LDLRAD3: variants seen among roughly 807,000 people sequenced by gnomAD.
LDLRAD3 encodes the protein low-density lipoprotein receptor class A domain-containing protein 3.
LDLRAD3 carries 20 observed loss-of-function variants against 29.4 expected under a neutral mutation model. That is an observed-to-expected ratio of 0.68 (90% CI 0.48 to 0.99). The LOEUF is 0.99. Ranked by LOEUF, LDLRAD3 falls within the 50% of genes least tolerant of loss-of-function variation. The pLI is 0.00. For synonymous variants in LDLRAD3, 157 were observed against 192.7 expected, an observed-to-expected ratio of 0.81 and a Z score of 1.53; for missense variants, 420 against 454.3, an observed-to-expected ratio of 0.92 and a Z score of 0.69.
rs943151138 is a variant in LDLRAD3 at position 35,999,759 on chromosome 11, G to GC, written c.47-36339dup. On this transcript the variant is annotated intron_variant, in intron 1 of 5. Transcript: ENST00000315571. ...CTGGAAATCTCCTGTTGGATCAAAGGCCCCCTGTGGTGCTGTCAGCCATGG... is the reference window on the plus strand; with the variant it reads ...CTGGAAATCTCCTGTTGGATCAAAGGCCCCCCTGTGGTGCTGTCAGCCATGG... 5.3e-5 allele frequency among the ~76,000 whole-genome samples: 8 copies of GC among 152,158 alleles called. 1 individual carries two copies. Among genetic ancestry groups the GC allele is most frequent in the Admixed American group, 4.6e-4 (7 of 15,284 alleles).
chr11:35,954,141 A>G lies in LDLRAD3; in HGVS notation c.46+9997A>G, dbSNP rs146460152. Among the ~76,000 whole-genome samples, 787 of 152,324 alleles carry G rather than the reference A, an allele frequency of 5.2e-3. 15 individuals carry two copies. Among genetic ancestry groups the G allele is most frequent in the East Asian group, 0.024 (125 of 5,192 alleles). ...CAGAGTTCATTTGTGTTATTCAAGTAAATGATAATGATGACAATACAAGAA... is the reference window on the plus strand; with the variant it reads ...CAGAGTTCATTTGTGTTATTCAAGTGAATGATAATGATGACAATACAAGAA... On this transcript the variant is annotated intron_variant, in intron 1 of 5. Coordinates refer to ENST00000315571, the MANE Select transcript of LDLRAD3 (RefSeq NM_174902.4).
At chr11:36,151,751 C>T (rs56173437) in intron 4 of LDLRAD3, among the ~76,000 whole-genome samples, 130 of 152,272 alleles carry the variant, frequency 8.5e-4, no homozygotes, top group South Asian at 2.3e-3. Flanking sequence ...GAGACCCTGG[C>T]GCTAGCATGA....
At chr11:36,078,157 A>G (rs1265810260) in intron 2 of LDLRAD3, among the ~76,000 whole-genome samples, 4 of 152,226 alleles carry the variant, frequency 2.6e-5, no homozygotes, top group East Asian at 3.9e-4. Context: ...GAGGAAGTGC[A>G]TGCTGATTAA....
chr11:36,204,982 G>A (rs1395704652), intron 4 of LDLRAD3, among the ~76,000 whole-genome samples: 2 of 151,996 alleles, frequency 1.3e-5, no homozygotes, highest in African/African-American at 4.8e-5. Context: ...TCTTGCCCCC[G>A]CCCTAATGCA....
intron 4 of LDLRAD3, among the ~76,000 whole-genome samples, chr11:36,138,053 G>T (rs903266660): frequency 6.6e-6 from 1 of 152,174 alleles, no homozygotes; most frequent in African/African-American, 2.4e-5. Context: ...TGCATTTGAG[G>T]TGCATCACCC....
intron 4 of LDLRAD3, among the ~76,000 whole-genome samples, chr11:36,143,898 G>A (rs1170067473): frequency 6.8e-6 from 1 of 146,352 alleles, no homozygotes; most frequent in Non-Finnish European, 1.5e-5. Flanking sequence ...TAAAGTGTTG[G>A]AGGCTCCCTC....
At chr11:36,189,583 T>TTA (rs1554972348) in intron 4 of LDLRAD3, among the ~76,000 whole-genome samples, 1 of 152,036 alleles carries the variant, frequency 6.6e-6, no homozygotes, top group Non-Finnish European at 1.5e-5. Flanking sequence ...TTACTTTTTT[T>TTA]TTATTATTAT....
In LDLRAD3 at chr11:36,145,334, AGTG is replaced by A. The variant is rs1323213636; in HGVS notation, c.454+46874_454+46876del. On this transcript the variant is annotated intron_variant, in intron 4 of 5. Transcript: ENST00000315571. Reference sequence around the variant, plus strand: ...CTCTGCCCGGCCACCCCTACTGGGAAGTGAGGAGCCCCTCTGCCCGGCCAGCCG... The same window carrying A: ...CTCTGCCCGGCCACCCCTACTGGGAAAGGAGCCCCTCTGCCCGGCCAGCCG... Among the ~76,000 whole-genome samples, 458 of 90,810 alleles carry A rather than the reference AGTG, an allele frequency of 5.0e-3. 20 individuals are homozygous for A. The highest frequency in any genetic ancestry group is 0.023 in the African/African-American group (438 of 19,252). The allele number at this position is 90,810 out of a possible 152,430, so 59.6% of individuals were successfully genotyped here.
intron 4 of LDLRAD3, among the ~76,000 whole-genome samples, chr11:36,162,051 A>G (rs924305997): frequency 6.9e-6 from 1 of 145,550 alleles, no homozygotes; most frequent in Non-Finnish European, 1.5e-5. Flanking sequence ...CATTCCGTTA[A>G]CGGTTTTATA....
intron 4 of LDLRAD3, among the ~76,000 whole-genome samples, chr11:36,099,798 T>G (rs11033423): frequency 0.014 from 2,059 of 152,312 alleles, 24 homozygotes; most frequent in Non-Finnish European, 0.023. Context: ...TCTAAATCTA[T>G]ATGCCTGAGG....
In LDLRAD3 at chr11:36,199,924, T is replaced by C. The variant is rs558608467; in HGVS notation, c.455-27161T>C. On this transcript the variant is annotated intron_variant, in intron 4 of 5. Coordinates refer to ENST00000315571, the MANE Select transcript of LDLRAD3 (RefSeq NM_174902.4). The stretch of plus-strand genomic sequence containing the variant: ...GCTCATGCCTGTAATCTCAGCACTT[T>C]AGGAGGCTGAGGTGGGCAGATCTCT... Among the ~76,000 whole-genome samples the C allele has an allele frequency of 1.3e-4, 20 of 152,204 alleles. No individual in the cohort carries two copies. The South Asian group carries it at 3.7e-3, about 28-fold the overall frequency.
intron 1 of LDLRAD3, among the ~76,000 whole-genome samples, chr11:36,000,782 C>G: frequency 6.6e-6 from 1 of 151,866 alleles, no homozygotes; most frequent in Middle Eastern, 3.4e-3. Context: ...GACCCATCCT[C>G]GGTGTGGGAA....
chr11:36,017,271 G>T (rs1852034784), intron 1 of LDLRAD3, among the ~76,000 whole-genome samples: 1 of 152,194 alleles, frequency 6.6e-6, no homozygotes, highest in Non-Finnish European at 1.5e-5. Flanking sequence ...AGACTCTCTG[G>T]TGAAGCTTTC....
intron 3 of LDLRAD3, among the ~76,000 whole-genome samples, chr11:36,083,104 C>T (rs1853140715): frequency 6.6e-6 from 1 of 152,206 alleles, no homozygotes; most frequent in Admixed American, 6.5e-5. Flanking sequence ...AACACATACA[C>T]AGCTTCTCCC....
At chr11:36,080,308 C>A (rs1205188219) in intron 2 of LDLRAD3, among the ~76,000 whole-genome samples, 1 of 152,196 alleles carries the variant, frequency 6.6e-6, no homozygotes, top group East Asian at 1.9e-4. Flanking sequence ...TACATTACCC[C>A]ACAGGGCTGT....
chr11:35,984,695 G>T (rs968554676), intron 1 of LDLRAD3, among the ~76,000 whole-genome samples: 1 of 152,190 alleles, frequency 6.6e-6, no homozygotes, highest in African/African-American at 2.4e-5. Context: ...GCAATGATGT[G>T]ATCTTGGCTC....
chr11:35,979,692 G>C (rs1169961803), intron 1 of LDLRAD3, among the ~76,000 whole-genome samples: 1 of 152,122 alleles, frequency 6.6e-6, no homozygotes, highest in Non-Finnish European at 1.5e-5. Context: ...AGTTAAAATC[G>C]AGTTAGGTTA....
At chr11:35,967,678 A>G (rs568656431) in intron 1 of LDLRAD3, 4 of 469,986 alleles carry the variant, frequency 8.5e-6, no homozygotes, top group African/African-American at 8.1e-5. Flanking sequence ...AGGTTTTACA[A>G]GGTTTCATGT....
At chr11:36,127,562 G>A (rs1853855953) in intron 4 of LDLRAD3, among the ~76,000 whole-genome samples, 1 of 152,122 alleles carries the variant, frequency 6.6e-6, no homozygotes, top group Non-Finnish European at 1.5e-5. Context: ...GATGCTGCTG[G>A]GTTAGTCTTA....
Sources: gnomAD v4.1 joint callset for allele counts (sites outside exome capture counted in the v4.1 genomes callset) on GRCh38, gnomAD v4.1.1 for gene constraint, MANE v1.5 for transcripts, NCBI Gene and HGNC (gene_info 2026-07-23, HGNC 2026-07-21) for gene names.